Variants in ACCSL observed in about 807,000 individuals in gnomAD.
ACCSL encodes the protein probable inactive 1-aminocyclopropane-1-carboxylate synthase-like protein 2.
Under a neutral mutation model 61.7 loss-of-function variants are expected in ACCSL, and 55 were observed. That is an observed-to-expected ratio of 0.89 (90% confidence interval 0.72 to 1.12). ACCSL has a LOEUF of 1.12. Among genes scored for constraint, ACCSL ranks in the 50% most tolerant of loss-of-function variants. The pLI is 0.00. For synonymous variants in ACCSL, 258 were observed against 264.3 expected (o/e 0.98, Z 0.23); for missense variants, 632 against 698.0 (o/e 0.91, Z 1.07).
the ACCSL span, among the ~76,000 whole-genome samples, chr11:44,026,155 C>G: frequency 6.6e-6 from 1 of 152,168 alleles, no homozygotes; most frequent in African/African-American, 2.4e-5. Flanking sequence ...CTTGGACACC[C>G]ATTATGCATA....
At chr11:43,959,433 C>T in the ACCSL span, among the ~76,000 whole-genome samples, 112 of 152,352 alleles carry the variant, frequency 7.4e-4, 1 homozygote, top group Non-Finnish European at 1.1e-3. Context: ...CCTTCCAAAC[C>T]AGTGCATTCC....
At chr11:43,975,353 C>T in the ACCSL span, among the ~76,000 whole-genome samples, 1 of 152,134 alleles carries the variant, frequency 6.6e-6, no homozygotes, top group Non-Finnish European at 1.5e-5. Flanking sequence ...AATCAAGGTA[C>T]TGACTTTAAA....
the ACCSL span, chr11:43,945,111 T>A: frequency 6.6e-6 from 1 of 152,302 alleles, no homozygotes; most frequent in Non-Finnish European, 1.5e-5. Context: ...GAGCACAGGC[T>A]ATGGCCTTGG....
chr11:43,981,623 G>A, the ACCSL span, among the ~76,000 whole-genome samples: 3 of 152,214 alleles, frequency 2.0e-5, no homozygotes, highest in Admixed American at 2.0e-4. Context: ...GGTGTTGGAT[G>A]GGAAGGAATT....
At chr11:43,942,767 C>G in the ACCSL span, 1 of 318,718 alleles carries the variant, frequency 3.1e-6, no homozygotes, top group Non-Finnish European at 4.5e-6. Flanking sequence ...CCGCGAGGGC[C>G]GCCGCCACCC....
At chr11:43,967,254 T>G in the ACCSL span, among the ~76,000 whole-genome samples, 1 of 137,304 alleles carries the variant, frequency 7.3e-6, no homozygotes, top group Middle Eastern at 3.8e-3. Context: ...CTTGGCTCAC[T>G]GCAACCTCTG....
the ACCSL span, chr11:43,995,298 C>A: frequency 1.3e-5 from 2 of 152,166 alleles, no homozygotes; most frequent in Admixed American, 1.3e-4. Context: ...ACCCAAGACT[C>A]TGACTCCACA....
chr11:43,949,165 A>G, the ACCSL span, among the ~76,000 whole-genome samples: 1 of 152,112 alleles, frequency 6.6e-6, no homozygotes, highest in Non-Finnish European at 1.5e-5. Context: ...ATTTCATCCC[A>G]TCATGGTGTC....
At chr11:43,928,527 G>C in the ACCSL span, among the ~76,000 whole-genome samples, 1 of 152,196 alleles carries the variant, frequency 6.6e-6, no homozygotes, top group Non-Finnish European at 1.5e-5. Flanking sequence ...GAAACAGTCT[G>C]TGCTGCAGGC....
At chr11:43,983,066 G>A in the ACCSL span, among the ~76,000 whole-genome samples, 1 of 152,178 alleles carries the variant, frequency 6.6e-6, no homozygotes, top group African/African-American at 2.4e-5. Context: ...ACACCTAAGG[G>A]TTGGGAAAGA....
the ACCSL span, among the ~76,000 whole-genome samples, chr11:44,004,502 G>C: frequency 2.6e-5 from 4 of 152,080 alleles, no homozygotes; most frequent in Non-Finnish European, 4.4e-5. Flanking sequence ...GCTGAGCTCT[G>C]GTCCCCTCCC....
the ACCSL span, among the ~76,000 whole-genome samples, chr11:44,039,596 A>T: frequency 6.6e-6 from 1 of 152,232 alleles, no homozygotes; most frequent in Non-Finnish European, 1.5e-5. Flanking sequence ...CTCACAAATC[A>T]TCATTAAAGA....
chr11:44,041,938 A>G, the ACCSL span, among the ~76,000 whole-genome samples: 1 of 152,180 alleles, frequency 6.6e-6, no homozygotes, highest in Non-Finnish European at 1.5e-5. Flanking sequence ...TAGCATCTAT[A>G]GATATAATTG....
intron 5 of ACCSL, among the ~76,000 whole-genome samples, 162 bp from the exon 6 acceptor site, chr11:44,052,500 A>T (rs1188707748): frequency 6.6e-6 from 1 of 152,222 alleles, no homozygotes; most frequent in Non-Finnish European, 1.5e-5. Context: ...ATAATAATGG[A>T]TAACTTTCAT....
the ACCSL span, among the ~76,000 whole-genome samples, chr11:43,946,492 C>G: frequency 6.6e-6 from 1 of 151,996 alleles, no homozygotes; most frequent in Non-Finnish European, 1.5e-5. Flanking sequence ...TTCCCACCAC[C>G]CAGAGATAAA....
At chr11:43,979,513 G>A in the ACCSL span, among the ~76,000 whole-genome samples, 1 of 152,078 alleles carries the variant, frequency 6.6e-6, no homozygotes, top group African/African-American at 2.4e-5. Flanking sequence ...GGTGTCCTTC[G>A]TTTGATCTAC....
At chr11:44,029,414 T>C in the ACCSL span, among the ~76,000 whole-genome samples, 1 of 152,276 alleles carries the variant, frequency 6.6e-6, no homozygotes, top group African/African-American at 2.4e-5. Flanking sequence ...GCTCAAATGC[T>C]ACCTTATCAG....
the ACCSL span, among the ~76,000 whole-genome samples, chr11:43,930,335 A>G: frequency 2.6e-5 from 4 of 152,118 alleles, no homozygotes; most frequent in Non-Finnish European, 4.4e-5. Flanking sequence ...GGGTTGAGCC[A>G]TGATATGGTT....
At chr11:43,952,058 CTT>C in the ACCSL span, among the ~76,000 whole-genome samples, 135 of 146,906 alleles carry the variant, frequency 9.2e-4, no homozygotes, top group African/African-American at 2.5e-3. Context: ...ATATAGGTAT[CTT>C]TTTTTTTTTT....
Sources: allele counts gnomAD v4.1 joint callset (sites outside exome capture counted in the v4.1 genomes callset), GRCh38; gene constraint gnomAD v4.1.1; transcripts MANE v1.5; gene names NCBI Gene and HGNC (gene_info 2026-07-23, HGNC 2026-07-21).